HECW2: variants seen among roughly 807,000 people sequenced by gnomAD.
The protein encoded by HECW2 is HECT, C2 and WW domain containing E3 ubiquitin protein ligase 2, also known as E3 ubiquitin-protein ligase HECW2.
In HECW2, 61 loss-of-function variants were observed where a neutral mutation model predicts 175.2. The observed-to-expected ratio is 0.35, with a 90% CI of 0.28 to 0.43. HECW2 has a LOEUF of 0.43. Ranked by LOEUF, HECW2 falls within the 20% of genes least tolerant of loss-of-function variation. HECW2 has a pLI of 1.00. For missense variants in HECW2, 1,524 were observed against 2,000.5 expected (o/e 0.76, Z 4.54); for synonymous variants, 671 against 731.0 (o/e 0.92, Z 1.32).
intron 14 of HECW2, chr2:196,287,882 CAA>C: frequency 6.6e-6 from 1 of 152,320 alleles, no homozygotes; most frequent in South Asian, 2.1e-4. Context: ...AGGCTCACCT[CAA>C]ACACTGCTGT....
At chr2:196,339,073 A>T (rs968663077) in intron 3 of HECW2, among the ~76,000 whole-genome samples, 3 of 152,208 alleles carry the variant, frequency 2.0e-5, no homozygotes, top group Non-Finnish European at 4.4e-5. Context: ...ACCTAATAGG[A>T]CTAGAGAACT....
At chr2:196,275,809 C>T (rs1689933620) in intron 15 of HECW2, among the ~76,000 whole-genome samples, 1 of 151,990 alleles carries the variant, frequency 6.6e-6, no homozygotes, top group African/African-American at 2.4e-5. Context: ...ATAACAGCAA[C>T]CACTATGTTT....
chr2:196,308,062 G>A lies in HECW2; in HGVS notation c.2458C>T (p.His820Tyr), dbSNP rs775741629. 6.3e-7 allele frequency: 1 copy of A among 1,589,042 alleles called. No individual in the cohort carries two copies. Residue 820 changes from histidine (H) to tyrosine (Y), a missense_variant, in exon 11 of 29, where the codon CAC becomes TAC. Around this residue, in one of 11 missense-constraint regions of HECW2, gnomAD observed 82 missense variants for 124.4 expected, o/e 0.66. Coordinates refer to ENST00000644978, the MANE Select transcript of HECW2 (RefSeq NM_001348768.2). ...TGATCCACGTAGAAGATCCTGCCGT[G>A]GCTGTCAATGCGTGCCTCCCAGTCT... ...PPNWEARIDS[H>Y]GRIFYVDHVN...
intron 1 of HECW2, among the ~76,000 whole-genome samples, chr2:196,456,447 T>G (rs1374139280): frequency 6.6e-6 from 1 of 152,230 alleles, no homozygotes; most frequent in East Asian, 1.9e-4. Flanking sequence ...TTGCCCTTGC[T>G]ACACAATCTT....
rs377472023 is a variant in HECW2, at chr2:196,343,815, G to A, written c.293-51C>T. 1.5e-4 allele frequency: 164 copies of A among 1,080,120 alleles called. 1 individual carries two copies. The South Asian group carries it at 1.7e-3, about 11-fold the overall frequency. The allele number at this position is 1,080,120 out of a possible 1,614,324, so 66.9% of individuals were successfully genotyped here. ...CAGATTAATTATAACCTTTCTCTCCGTAGCAGGAAGATTAACATAAGTTCT... is the reference window on the plus strand; with the variant it reads ...CAGATTAATTATAACCTTTCTCTCCATAGCAGGAAGATTAACATAAGTTCT... On this transcript the variant is annotated intron_variant, in intron 2 of 28. Transcript: ENST00000644978.
At position 196,324,969 on chromosome 2, in the gene HECW2, G is replaced by A. The variant is rs748612918; in HGVS notation, c.741+11C>T. On this transcript the variant is annotated intron_variant, in intron 6 of 28. Coordinates refer to ENST00000644978, the MANE Select transcript of HECW2 (RefSeq NM_001348768.2). ...CACCATCAAGTAGGAGACCCCCGAGGATCATCTTACCTCTCGGTGCCAAAT... is the reference window on the plus strand; with the variant it reads ...CACCATCAAGTAGGAGACCCCCGAGAATCATCTTACCTCTCGGTGCCAAAT... 1 of 1,553,862 alleles carries A rather than the reference G, an allele frequency of 6.4e-7. No homozygotes were observed. Among genetic ancestry groups the A allele is most frequent in the Non-Finnish European group, 8.7e-7 (1 of 1,154,280 alleles).
intron 1 of HECW2, chr2:196,493,166 C>G (rs967010551): frequency 6.6e-6 from 1 of 152,206 alleles, no homozygotes. Flanking sequence ...GCCAGGAATT[C>G]AAGACCAGCC....
chr2:196,466,514 G>A (rs933888673), intron 1 of HECW2, among the ~76,000 whole-genome samples: 2 of 152,184 alleles, frequency 1.3e-5, no homozygotes, highest in Admixed American at 6.5e-5. Context: ...AGCCCTCAGG[G>A]CACTTCCAAA....
At chr2:196,591,743 C>T (rs1419529977) in intron 1 of HECW2, among the ~76,000 whole-genome samples, 1 of 152,156 alleles carries the variant, frequency 6.6e-6, no homozygotes, top group East Asian at 1.9e-4. Flanking sequence ...CTGTCTCCCA[C>T]GCTATATAAA....
intron 1 of HECW2, among the ~76,000 whole-genome samples, chr2:196,515,883 G>A (rs1389551598): frequency 2.6e-5 from 4 of 151,934 alleles, no homozygotes; most frequent in Admixed American, 2.0e-4. Flanking sequence ...CAACACTTTG[G>A]GAGGTGGAGG....
At chr2:196,376,262 CA>C (rs373993223) in intron 2 of HECW2, among the ~76,000 whole-genome samples, 7 of 152,088 alleles carry the variant, frequency 4.6e-5, no homozygotes, top group African/African-American at 1.7e-4. Flanking sequence ...ATATAATAGA[CA>C]AAAAGCCACA....
At position 196,348,359 on chromosome 2, in the gene HECW2, G is replaced by T. The variant is rs147210362; in HGVS notation, c.293-4595C>A. ...CCCAACCCAAAGTAAGAACAATAGT[G>T]GGCCCAGGTGCAGTGGGTCATGCCT... On this transcript the variant is annotated intron_variant, in intron 2 of 28. Transcript: ENST00000644978. Among the ~76,000 whole-genome samples the T allele has an allele frequency of 4.2e-3, 644 of 152,108 alleles. 4 individuals are homozygous for T. The highest frequency in any genetic ancestry group is 8.2e-3 in the Non-Finnish European group (558 of 68,006).
intron 2 of HECW2, among the ~76,000 whole-genome samples, chr2:196,428,258 G>A (rs2125259761): frequency 6.6e-6 from 1 of 152,238 alleles, no homozygotes; most frequent in South Asian, 2.1e-4. Flanking sequence ...GGCTTCTCAG[G>A]ACACAACTGA....
chr2:196,415,273 T>C (rs368918491), intron 2 of HECW2, among the ~76,000 whole-genome samples: 5 of 152,228 alleles, frequency 3.3e-5, no homozygotes, highest in African/African-American at 1.2e-4. Flanking sequence ...GTTAAAAGTG[T>C]AGTAGGAGTC....
Position 196,570,560 on chromosome 2 carries a change from G to C in HECW2, c.-36+22948C>G, listed in dbSNP as rs773705021. Reference sequence around the variant, plus strand: ...CACCCCGGGGCCTGTCATGGGGTAGGGGGTAGGGGGAGGGATAGCATTAGG... The same window carrying C: ...CACCCCGGGGCCTGTCATGGGGTAGCGGGTAGGGGGAGGGATAGCATTAGG... On this transcript the variant is annotated intron_variant, in intron 1 of 28. Coordinates refer to ENST00000644978, the MANE Select transcript of HECW2 (RefSeq NM_001348768.2). 1.7e-3 allele frequency among the ~76,000 whole-genome samples: 254 copies of C among 152,154 alleles called. 3 individuals are homozygous for C. Among genetic ancestry groups the C allele is most frequent in the Non-Finnish European group, 3.3e-3 (225 of 68,040 alleles).
Position 196,242,204 on chromosome 2 carries a change from C to A in HECW2, c.3530G>T (p.Gly1177Val). The change falls in exon 20 of 29, where the codon GGT becomes GTT. Residue 1177 changes from glycine (G) to valine (V), a missense_variant and splice_region_variant. Around this residue, in one of 11 missense-constraint regions of HECW2, gnomAD observed 291 missense variants for 412.2 expected, o/e 0.71. Coordinates refer to ENST00000644978, the MANE Select transcript of HECW2 (RefSeq NM_001348768.2). Reference protein sequence around the residue: ...SPVSSPQNSPGTQRANARAPA... With the variant: ...SPVSSPQNSPVTQRANARAPA... ...AGCCCGGGCATTGGCACGCTGGGTA[C>A]CTGCAGCAAACCACAAAGAGAGGAC... The A allele has an allele frequency of 6.2e-7, 1 of 1,614,114 alleles. No individual in the cohort carries two copies. The highest frequency in any genetic ancestry group is 8.5e-7 in the Non-Finnish European group (1 of 1,180,012).
chr2:196,343,425 T>C (rs934291118), intron 3 of HECW2, among the ~76,000 whole-genome samples: 1 of 152,222 alleles, frequency 6.6e-6, no homozygotes, highest in African/African-American at 2.4e-5. Context: ...TCTGTAGGTG[T>C]GAAATCCACG....
At chr2:196,257,596 C>A in intron 18 of HECW2, 1 of 552,066 alleles carries the variant, frequency 1.8e-6, no homozygotes. Context: ...TACCATCTCC[C>A]TTGCCAGCAG....
At chr2:196,590,573 C>T (rs1026514562) in intron 1 of HECW2, among the ~76,000 whole-genome samples, 3 of 152,232 alleles carry the variant, frequency 2.0e-5, no homozygotes, top group African/African-American at 7.2e-5. Flanking sequence ...AGGAACACTT[C>T]ACAACAGAGA....
Sources: allele counts gnomAD v4.1 joint callset (sites outside exome capture counted in the v4.1 genomes callset), GRCh38; gene constraint gnomAD v4.1.1; regional missense constraint gnomAD v4.1.1; transcripts MANE v1.5; gene names NCBI Gene and HGNC (gene_info 2026-07-23, HGNC 2026-07-21).